PLXNC1: variants seen among roughly 807,000 people sequenced by gnomAD.
PLXNC1 encodes the protein plexin C1.
Under a neutral mutation model 178.2 loss-of-function variants are expected in PLXNC1, and 75 were observed. That is an observed-to-expected ratio of 0.42 (90% CI 0.35 to 0.51). The LOEUF is 0.51. Ranked by LOEUF, PLXNC1 falls within the 20% of genes least tolerant of loss-of-function variation. The pLI, the probability that PLXNC1 is intolerant of heterozygous loss-of-function variation, is 0.02. For synonymous variants in PLXNC1, 790 were observed against 779.9 expected (o/e 1.01, Z -0.22); for missense variants, 1,503 against 1,984.4 (o/e 0.76, Z 4.61).
chr12:94,154,458 A>G (rs1278188153), intron 1 of PLXNC1, among the ~76,000 whole-genome samples: 1 of 152,250 alleles, frequency 6.6e-6, no homozygotes, highest in Non-Finnish European at 1.5e-5. Context: ...TTCTATACAC[A>G]TTAACTCATG....
At chr12:94,300,805 A>G (rs1324289279) in intron 27 of PLXNC1, 105 bp from the exon 28 acceptor site, 2 of 1,009,870 alleles carry the variant, frequency 2.0e-6, no homozygotes, top group Non-Finnish European at 2.9e-6. Context: ...AGAGTTGTAT[A>G]CTTCAATAAC....
intron 21 of PLXNC1, chr12:94,276,868 G>A (rs1014678435): frequency 6.6e-6 from 1 of 152,186 alleles, no homozygotes; most frequent in African/African-American, 2.4e-5. Context: ...TCTGAGAGCA[G>A]GCAAGGGAGT....
intron 23 of PLXNC1, among the ~76,000 whole-genome samples, chr12:94,283,783 C>T (rs114697502): frequency 0.05 from 7,624 of 152,212 alleles, 232 homozygotes; most frequent in Non-Finnish European, 0.072. Flanking sequence ...ACCAGCTGAT[C>T]CATCAAGAGC....
Position 94,224,247 on chromosome 12 carries a change from G to C in PLXNC1, c.1722G>C (p.Val574=), listed in dbSNP as rs762915208. 5 of 1,602,676 alleles carry C rather than the reference G, an allele frequency of 3.1e-6. No individual in the cohort carries two copies. Among genetic ancestry groups the C allele is most frequent in the Non-Finnish European group, 4.3e-6 (5 of 1,169,550 alleles). The change falls in exon 7 of 31, where the codon GTG becomes GTC. Residue 574 remains valine (V), a synonymous_variant. Transcript: ENST00000258526. ...ATYKDVSVVN[V]MFSFGSWNLS... is the part of the protein sequence containing the mutation. ...CTCCAGATGTTTCAGTTGTCAACGT[G>C]ATGTTCTCCTTCGGTTCTTGGAATT...
chr12:94,225,161 T>C (rs1459456470), intron 7 of PLXNC1, among the ~76,000 whole-genome samples: 3 of 152,170 alleles, frequency 2.0e-5, no homozygotes, highest in Non-Finnish European at 4.4e-5. Context: ...GGAAATATGT[T>C]TCTCAGATGC....
In PLXNC1 at chr12:94,282,316, G is replaced by T. The variant is rs768555101; in HGVS notation, c.3794G>T (p.Arg1265Leu). The T allele has an allele frequency of 2.5e-6, 4 of 1,613,410 alleles. No individual in the cohort carries two copies. Among genetic ancestry groups the T allele is most frequent in the Non-Finnish European group, 3.4e-6 (4 of 1,179,538 alleles). ...EIGLELQMGT[R>L]QKELLDIDSS... ...TTTTCAGAGCTTCAAATGGGCACAC[G>T]ACAGAAAGAACTTCTGGACATCGAC... Residue 1265 changes from arginine to leucine, a missense_variant, in exon 23 of 31, where the codon CGA (arginine) becomes CTA (leucine). Arg to Leu is a moderately radical substitution (Grantham distance 102, BLOSUM62 -2). Coordinates refer to ENST00000258526, the MANE Select transcript of PLXNC1 (RefSeq NM_005761.3).
intron 17 of PLXNC1, 59 bp downstream of exon 17, chr12:94,255,355 G>T: frequency 8.7e-7 from 1 of 1,146,048 alleles, no homozygotes; most frequent in Non-Finnish European, 1.3e-6. Context: ...GAAGGTGCTT[G>T]TTGCTGTTGT....
At chr12:94,227,694 C>A (rs1963985242) in intron 9 of PLXNC1, among the ~76,000 whole-genome samples, 1 of 152,104 alleles carries the variant, frequency 6.6e-6, no homozygotes, top group South Asian at 2.1e-4. Flanking sequence ...CACTGCTAAA[C>A]CAGAATTGTT....
intron 6 of PLXNC1, among the ~76,000 whole-genome samples, chr12:94,223,934 G>A (rs1963866118): frequency 6.6e-6 from 1 of 152,118 alleles, no homozygotes; most frequent in Non-Finnish European, 1.5e-5. Context: ...CCCTAGGAGA[G>A]TATGAGATGT....
At chr12:94,259,311 T>G in intron 17 of PLXNC1, 26 bp from the exon 18 acceptor site, 1 of 1,548,988 alleles carries the variant, frequency 6.5e-7, no homozygotes, top group Non-Finnish European at 8.8e-7. Context: ...ATGTTATGAA[T>G]AATAAAAGTG....
At chr12:94,225,593 G>C (rs182140716) in intron 7 of PLXNC1, among the ~76,000 whole-genome samples, 1 of 152,154 alleles carries the variant, frequency 6.6e-6, no homozygotes, top group Non-Finnish European at 1.5e-5. Context: ...TTGAAAGAAC[G>C]TAGCTCCCCC....
intron 6 of PLXNC1, among the ~76,000 whole-genome samples, 167 bp from the exon 7 acceptor site, chr12:94,224,061 G>C (rs1443359905): frequency 1.3e-5 from 2 of 152,188 alleles, no homozygotes; most frequent in East Asian, 3.8e-4. Flanking sequence ...GATGCGAATG[G>C]CCTATGGGGA....
intron 4 of PLXNC1, among the ~76,000 whole-genome samples, chr12:94,207,240 A>G: frequency 6.6e-6 from 1 of 152,230 alleles, no homozygotes; most frequent in African/African-American, 2.4e-5. Flanking sequence ...TTTTATATAT[A>G]TATAAAAACA....
At position 94,224,211 on chromosome 12, in the gene PLXNC1, TC is replaced by T. The variant is rs548045765; in HGVS notation, c.1703-11del. ...CAGGACTCCACCGTAAATGACATTT[TC>T]CCCCCTTCCCTCCAGATGTTTCAGT... On this transcript the variant is annotated splice_polypyrimidine_tract_variant and intron_variant, in intron 6 of 30. Coordinates refer to ENST00000258526, the MANE Select transcript of PLXNC1 (RefSeq NM_005761.3). The T allele has an allele frequency of 4.9e-4, 721 of 1,467,806 alleles. 2 individuals carry two copies. In the Middle Eastern group the frequency reaches 8.0e-3, roughly 16 times the overall value. 90.9% of individuals were successfully genotyped at this position (1,467,806 alleles called of 1,614,324 possible).
chr12:94,149,802 C>G lies in PLXNC1; in HGVS notation c.831C>G (p.Gly277=), dbSNP rs1294825191. 1.2e-6 allele frequency: 2 copies of G among 1,605,690 alleles called. No individual in the cohort carries two copies. The highest frequency in any genetic ancestry group is 2.7e-5 in the African/African-American group (2 of 74,748). ...AGAGCACCGAGGTGCTGTTCCAGGG[C>G]CAGGCATCCCTCGACTGCGGCCACG... ...IAQSTEVLFQ[G]QASLDCGHGH... Residue 277 remains glycine, a synonymous_variant, in exon 1 of 31, where the codon GGC becomes GGG. Coordinates refer to ENST00000258526, the MANE Select transcript of PLXNC1 (RefSeq NM_005761.3).
At chr12:94,243,620 C>T (rs370199359) in intron 11 of PLXNC1, among the ~76,000 whole-genome samples, 2 of 152,168 alleles carry the variant, frequency 1.3e-5, no homozygotes, top group Non-Finnish European at 2.9e-5. Flanking sequence ...CAAGGTACAG[C>T]TCCTGATCTG....
At chr12:94,265,651 A>C (rs976079666) in intron 21 of PLXNC1, among the ~76,000 whole-genome samples, 3 of 152,184 alleles carry the variant, frequency 2.0e-5, no homozygotes, top group Non-Finnish European at 4.4e-5. Flanking sequence ...CACAAGACAA[A>C]TTCCACCACG....
rs1046414774 is a variant in PLXNC1, at chr12:94,195,412, A to G, written c.1439+8939A>G. ...AGGTAGTACGTCTCCCAGTGCATCC[A>G]TGGGGCCCCACTTGCTCTGGTTTTA... On this transcript the variant is annotated intron_variant, in intron 4 of 30. Transcript: ENST00000258526. Among the ~76,000 whole-genome samples the G allele has an allele frequency of 5.3e-5, 8 of 151,988 alleles. 1 individual carries two copies. Among genetic ancestry groups the G allele is most frequent in the East Asian group, 1.9e-4 (1 of 5,152 alleles).
rs1490680832 is a variant in PLXNC1 at position 94,148,963 on chromosome 12, C to G, written c.-9C>G. The G allele has an allele frequency of 9.4e-5, 123 of 1,314,982 alleles. No homozygotes were observed. The highest frequency in any genetic ancestry group is 8.1e-4 in the Middle Eastern group (3 of 3,706). 81.5% of individuals were successfully genotyped at this position (1,314,982 alleles called of 1,614,324 possible). A position where few individuals can be genotyped will look rare whatever the true frequency, so the allele number is the denominator to read the frequency against. On this transcript the variant is annotated 5_prime_UTR_variant, in exon 1 of 31. Transcript: ENST00000258526. This position sits in a 1 kb window ranked among gnomAD's most constrained non-coding sequence, Gnocchi z 4.8. Reference sequence around the variant, plus strand: ...GCGCGCCCTGCCCGGGGGCGGCCCCCCCAGCCCCATGGAGGTCTCCCGGAG... The same window carrying G: ...GCGCGCCCTGCCCGGGGGCGGCCCCGCCAGCCCCATGGAGGTCTCCCGGAG...
Sources: gnomAD v4.1 joint callset for allele counts (sites outside exome capture counted in the v4.1 genomes callset) on GRCh38, gnomAD v4.1.1 for gene constraint, Gnocchi (gnomAD v3.1) non-coding constraint, MANE v1.5 for transcripts, NCBI Gene and HGNC (gene_info 2026-07-23, HGNC 2026-07-21) for gene names.